ZNF521: variants seen among roughly 807,000 people sequenced by gnomAD.
ZNF521 encodes zinc finger protein 521, also known as LYST-interacting protein 3.
ZNF521 carries 14 observed loss-of-function variants against 105.5 expected under a neutral mutation model. That is an observed-to-expected ratio of 0.13 (90% confidence interval 0.09 to 0.21). The LOEUF is 0.21. ZNF521 is among the 10% of genes least tolerant of loss of function. The probability of loss-of-function intolerance (pLI) is 1.00; values close to 1 mark genes in which losing one functional copy is unlikely to be tolerated. For missense variants in ZNF521, 1,233 were observed against 1,629.7 expected (o/e 0.76, Z 4.19); for synonymous variants, 635 against 606.0 (o/e 1.05, Z -0.70).
chr18:25,155,799 T>TA (rs1214100008), intron 5 of ZNF521, among the ~76,000 whole-genome samples: 2 of 152,054 alleles, frequency 1.3e-5, no homozygotes, highest in Non-Finnish European at 2.9e-5. Flanking sequence ...TATTCAGTCT[T>TA]AAAAAAAGGA....
intron 3 of ZNF521, among the ~76,000 whole-genome samples, chr18:25,285,718 A>T (rs1568056128): frequency 2.0e-5 from 3 of 152,024 alleles, no homozygotes; most frequent in African/African-American, 7.3e-5. Context: ...ACACACACAC[A>T]CACACACACA....
chr18:25,219,145 A>C (rs1356707381), intron 4 of ZNF521, among the ~76,000 whole-genome samples: 1 of 152,202 alleles, frequency 6.6e-6, no homozygotes, highest in African/African-American at 2.4e-5. Context: ...TAACTAACAA[A>C]GTATGTGTTA....
chr18:25,269,381 C>A (rs113652306), intron 3 of ZNF521, among the ~76,000 whole-genome samples: 5 of 152,198 alleles, frequency 3.3e-5, no homozygotes, highest in African/African-American at 9.6e-5. Context: ...GACAGATCAA[C>A]GCGACAGAAA....
chr18:25,350,208 C>T (rs1409961278), intron 2 of ZNF521, among the ~76,000 whole-genome samples: 2 of 152,178 alleles, frequency 1.3e-5, no homozygotes, highest in African/African-American at 4.8e-5. Context: ...GAGAGCTGGA[C>T]CCCACCGCGA....
chr18:25,304,924 GTTTCAT>G (rs1317849053), intron 3 of ZNF521, among the ~76,000 whole-genome samples: 1 of 152,174 alleles, frequency 6.6e-6, no homozygotes, highest in Non-Finnish European at 1.5e-5. Context: ...TAGGCAATAG[GTTTCAT>G]GACTCACATT....
At chr18:25,149,473 A>T (rs1232809423) in intron 5 of ZNF521, among the ~76,000 whole-genome samples, 1 of 152,160 alleles carries the variant, frequency 6.6e-6, no homozygotes, top group Non-Finnish European at 1.5e-5. Context: ...TGTGCAGGCA[A>T]TGATTTTATT....
chr18:25,107,466 T>C (rs1017017656), intron 5 of ZNF521, among the ~76,000 whole-genome samples: 9 of 152,226 alleles, frequency 5.9e-5, no homozygotes, highest in Non-Finnish European at 1.5e-5. Context: ...TGGAAGACTT[T>C]CTCTGAATAT....
At chr18:25,278,994 A>C (rs1910207324) in intron 3 of ZNF521, among the ~76,000 whole-genome samples, 10 of 152,150 alleles carry the variant, frequency 6.6e-5, no homozygotes, top group Admixed American at 6.6e-4. Flanking sequence ...TTGTGGAGAA[A>C]CTGGTGGGGG....
chr18:25,076,847 G>A (rs2033373761), intron 7 of ZNF521, among the ~76,000 whole-genome samples: 1 of 152,220 alleles, frequency 6.6e-6, no homozygotes, highest in African/African-American at 2.4e-5. Context: ...ACAAAGAAAA[G>A]TTAACACAGA....
intron 3 of ZNF521, among the ~76,000 whole-genome samples, chr18:25,265,390 C>G (rs1651400099): frequency 6.6e-6 from 1 of 152,176 alleles, no homozygotes; most frequent in Admixed American, 6.5e-5. Flanking sequence ...TTATCATAAA[C>G]ATTCCTGCTT....
chr18:25,157,151 T>G (rs537981101), intron 5 of ZNF521, among the ~76,000 whole-genome samples: 1 of 152,100 alleles, frequency 6.6e-6, no homozygotes, highest in South Asian at 2.1e-4. Flanking sequence ...TGAGCCGAGA[T>G]TGCACCACTG....
At chr18:25,334,303 G>A (rs1347510940) in intron 2 of ZNF521, among the ~76,000 whole-genome samples, 1 of 147,452 alleles carries the variant, frequency 6.8e-6, no homozygotes, top group Non-Finnish European at 1.5e-5. Context: ...AACATCAGAG[G>A]AGAGATCTGG....
At chr18:25,265,602 A>G (rs559194947) in intron 3 of ZNF521, among the ~76,000 whole-genome samples, 1 of 152,332 alleles carries the variant, frequency 6.6e-6, no homozygotes, top group East Asian at 1.9e-4. Flanking sequence ...TGAAAGGAAA[A>G]CAATCTGTTA....
intron 4 of ZNF521, among the ~76,000 whole-genome samples, chr18:25,222,324 T>C (rs763532195): frequency 4.6e-5 from 7 of 152,242 alleles, no homozygotes; most frequent in Admixed American, 4.6e-4. Context: ...TAAATTCTCC[T>C]CATCGAGTAA....
chr18:25,193,482 C>T (rs1345450014), intron 5 of ZNF521, among the ~76,000 whole-genome samples: 4 of 151,990 alleles, frequency 2.6e-5, no homozygotes, highest in African/African-American at 9.7e-5. Context: ...TGCCTTCATT[C>T]AAGCCTATCT....
intron 3 of ZNF521, among the ~76,000 whole-genome samples, chr18:25,296,493 C>T (rs1911326215): frequency 6.6e-6 from 1 of 152,062 alleles, no homozygotes; most frequent in Non-Finnish European, 1.5e-5. Flanking sequence ...CTAATAGAAC[C>T]CCATCGCTGA....
At chr18:25,344,236 GTT>G (rs1914361821) in intron 2 of ZNF521, among the ~76,000 whole-genome samples, 1 of 145,398 alleles carries the variant, frequency 6.9e-6, no homozygotes, top group Non-Finnish European at 1.5e-5. Flanking sequence ...ATTCTACTTA[GTT>G]TTCAGAGATT....
At chr18:25,206,950 C>T (rs551923346) in intron 4 of ZNF521, among the ~76,000 whole-genome samples, 2 of 152,236 alleles carry the variant, frequency 1.3e-5, no homozygotes, top group South Asian at 4.1e-4. Context: ...CTAGAACATG[C>T]TGTGCAATTA....
intron 3 of ZNF521, among the ~76,000 whole-genome samples, chr18:25,230,034 TTA>T (rs1906432525): frequency 6.6e-6 from 1 of 152,210 alleles, no homozygotes; most frequent in Non-Finnish European, 1.5e-5. Context: ...ACTATATCTA[TTA>T]TATAACTGTT....
Sources: allele counts gnomAD v4.1 joint callset (sites outside exome capture counted in the v4.1 genomes callset), GRCh38; gene constraint gnomAD v4.1.1; transcripts MANE v1.5; gene names NCBI Gene and HGNC (gene_info 2026-07-23, HGNC 2026-07-21).